The following SEMA5A variants were observed in gnomAD, a reference collection of about 807,000 sequenced individuals.
The protein encoded by SEMA5A is semaphorin-5A.
Under a neutral mutation model 135.5 loss-of-function variants are expected in SEMA5A, and 55 were observed. The ratio of observed to expected loss-of-function variants is 0.41; its 90% CI spans 0.33 to 0.51. The LOEUF (loss-of-function observed/expected upper bound fraction) is 0.51, where lower values mean the gene tolerates loss of function less well. Ranked by LOEUF, SEMA5A falls within the 20% of genes least tolerant of loss-of-function variation. SEMA5A has a pLI of 0.37. For synonymous variants in SEMA5A, 580 were observed against 546.5 expected (o/e 1.06, Z -0.85); for missense variants, 1,290 against 1,419.9 (o/e 0.91, Z 1.47).
intron 5 of SEMA5A, among the ~76,000 whole-genome samples, chr5:9,271,853 G>T (rs575026363): frequency 6.6e-6 from 1 of 152,138 alleles, no homozygotes; most frequent in South Asian, 2.1e-4. Context: ...CTTTTCTCAC[G>T]CTCTTCACAA....
rs141394489 is a variant in SEMA5A, at chr5:9,273,216, A to G, written c.271-35326T>C. On this transcript the variant is annotated intron_variant, in intron 5 of 22. Coordinates refer to ENST00000382496, the MANE Select transcript of SEMA5A (RefSeq NM_003966.3). ...TACACAAGTATCAATAGCTGAATCA[A>G]TTAAGCAGAAGAAAGGATATCAGAG... Among the ~76,000 whole-genome samples the G allele has an allele frequency of 2.9e-3, 437 of 152,296 alleles. 6 individuals carry two copies. The highest frequency in any genetic ancestry group is 0.01 in the African/African-American group (423 of 41,584).
At chr5:9,501,327 T>C (rs779463684) in intron 1 of SEMA5A, among the ~76,000 whole-genome samples, 2 of 152,224 alleles carry the variant, frequency 1.3e-5, no homozygotes, top group Non-Finnish European at 2.9e-5. Flanking sequence ...AGAAACTAAA[T>C]TGCCAATGAA....
intron 1 of SEMA5A, among the ~76,000 whole-genome samples, chr5:9,492,755 A>G (rs1735087898): frequency 6.6e-6 from 1 of 152,230 alleles, no homozygotes; most frequent in Non-Finnish European, 1.5e-5. Context: ...TACGTGAAAG[A>G]AGCCAATCTA....
At chr5:9,151,772 T>C (rs1742648160) in intron 12 of SEMA5A, among the ~76,000 whole-genome samples, 1 of 152,136 alleles carries the variant, frequency 6.6e-6, no homozygotes, top group African/African-American at 2.4e-5. Flanking sequence ...CTATAGTCTA[T>C]CAGTTGAAAA....
intron 1 of SEMA5A, among the ~76,000 whole-genome samples, chr5:9,541,502 T>C (rs1407504510): frequency 6.6e-6 from 1 of 152,126 alleles, no homozygotes; most frequent in Non-Finnish European, 1.5e-5. Flanking sequence ...TCTTTTAAAA[T>C]AGTTTTTTTT....
rs752414382 is a variant in SEMA5A, at chr5:9,066,653, A to T, written c.2074-7T>A. On this transcript the variant is annotated splice_polypyrimidine_tract_variant and splice_region_variant and intron_variant, in intron 16 of 22. Transcript: ENST00000382496. ...TGTTGCAAGACTGGTACTCCTGGGG[A>T]GAATGCGCAGACGAGTGTTACTATA... 1 of 1,612,822 alleles carries T rather than the reference A, an allele frequency of 6.2e-7. No individual in the cohort carries two copies. The highest frequency in any genetic ancestry group is 1.1e-5 in the South Asian group (1 of 91,056).
chr5:9,340,081 G>A (rs1753576415), intron 3 of SEMA5A, among the ~76,000 whole-genome samples: 1 of 152,192 alleles, frequency 6.6e-6, no homozygotes, highest in South Asian at 2.1e-4. Flanking sequence ...AGTAAATTCA[G>A]GTGCAAGAAT....
chr5:9,064,729 C>A (rs1302835691), intron 17 of SEMA5A, among the ~76,000 whole-genome samples: 2 of 152,006 alleles, frequency 1.3e-5, no homozygotes, highest in African/African-American at 4.8e-5. Context: ...CCTGTCTCAA[C>A]AAACAAACAA....
chr5:9,084,673 TC>T (rs2150110747), intron 16 of SEMA5A, among the ~76,000 whole-genome samples: 1 of 152,294 alleles, frequency 6.6e-6, no homozygotes, highest in East Asian at 1.9e-4. Flanking sequence ...TTTTGTAAAT[TC>T]CCTTGTCTTG....
rs541032941 is a variant in SEMA5A at position 9,248,724 on chromosome 5, G to A, written c.271-10834C>T. Reference sequence around the variant, plus strand: ...ATACAGAGGAGAAGGAAATATGACCGTGGAGGCAGAGATAGTGATGAAGGA... The same window carrying A: ...ATACAGAGGAGAAGGAAATATGACCATGGAGGCAGAGATAGTGATGAAGGA... On this transcript the variant is annotated intron_variant, in intron 5 of 22. Transcript: ENST00000382496. 2.6e-5 allele frequency among the ~76,000 whole-genome samples: 4 copies of A among 152,212 alleles called. No homozygotes were observed. The East Asian group carries it at 7.7e-4, about 29-fold the overall frequency.
intron 2 of SEMA5A, among the ~76,000 whole-genome samples, chr5:9,397,952 C>G (rs763960899): frequency 6.6e-6 from 1 of 152,150 alleles, no homozygotes; most frequent in Non-Finnish European, 1.5e-5. Flanking sequence ...TCCACAACAC[C>G]ATGTTGATCA....
intron 3 of SEMA5A, among the ~76,000 whole-genome samples, chr5:9,350,067 T>C (rs1261699891): frequency 6.6e-6 from 1 of 152,174 alleles, no homozygotes; most frequent in Non-Finnish European, 1.5e-5. Context: ...GGCTACACGA[T>C]TGGACAGCAC....
chr5:9,202,035 G>T lies in SEMA5A; in HGVS notation c.852C>A (p.Val284=), dbSNP rs1745739206. Residue 284 remains valine (V), a synonymous_variant, in exon 9 of 23, where the codon GTC becomes GTA. Transcript: ENST00000382496. Reference sequence around the variant, plus strand: ...TCTGCAATTCGTTGTAGTAAAAGGGGACTTCCCCAGGACGGGAGCAGTTCA... The same window carrying T: ...TCTGCAATTCGTTGTAGTAAAAGGGTACTTCCCCAGGACGGGAGCAGTTCA... ...ARLNCSRPGE[V]PFYYNELQST... The T allele has an allele frequency of 3.1e-6, 5 of 1,614,062 alleles. No individual in the cohort carries two copies. The highest frequency in any genetic ancestry group is 3.3e-5 in the Admixed American group (2 of 60,008).
At chr5:9,451,467 T>C (rs1758641958) in intron 1 of SEMA5A, among the ~76,000 whole-genome samples, 1 of 152,224 alleles carries the variant, frequency 6.6e-6, no homozygotes, top group Admixed American at 6.5e-5. Flanking sequence ...CATTATTCAC[T>C]GACAATCTCA....
chr5:9,257,101 A>C (rs910954365), intron 5 of SEMA5A, among the ~76,000 whole-genome samples: 3 of 152,210 alleles, frequency 2.0e-5, no homozygotes, highest in African/African-American at 7.2e-5. Context: ...TGGAGAGCTT[A>C]TTCATGGCAT....
chr5:9,524,790 T>G (rs1034526159), intron 1 of SEMA5A, among the ~76,000 whole-genome samples: 28 of 152,172 alleles, frequency 1.8e-4, no homozygotes, highest in African/African-American at 5.6e-4. Context: ...ACACTTTTTT[T>G]GGGTGACTTG....
At chr5:9,391,934 C>G (rs1756177177) in intron 2 of SEMA5A, among the ~76,000 whole-genome samples, 1 of 152,202 alleles carries the variant, frequency 6.6e-6, no homozygotes, top group South Asian at 2.1e-4. Flanking sequence ...TACATGATCT[C>G]CAGCCTTCCT....
intron 1 of SEMA5A, among the ~76,000 whole-genome samples, chr5:9,492,168 C>T (rs1735048034): frequency 6.6e-6 from 1 of 152,210 alleles, no homozygotes; most frequent in South Asian, 2.1e-4. Context: ...GTAGGAAAGA[C>T]AACCAACAGC....
intron 2 of SEMA5A, among the ~76,000 whole-genome samples, chr5:9,385,118 C>T (rs1415879394): frequency 6.6e-6 from 1 of 152,156 alleles, no homozygotes; most frequent in Non-Finnish European, 1.5e-5. Flanking sequence ...GCGTCTACTT[C>T]AAAACCCCTG....
Sources: allele counts gnomAD v4.1 joint callset (sites outside exome capture counted in the v4.1 genomes callset), GRCh38; gene constraint gnomAD v4.1.1; transcripts MANE v1.5; gene names NCBI Gene and HGNC (gene_info 2026-07-23, HGNC 2026-07-21).